LPP: variants seen among roughly 807,000 people sequenced by gnomAD.
The protein encoded by LPP is lipoma-preferred partner.
In LPP, 38 loss-of-function variants were observed where a neutral mutation model predicts 60.4. The observed-to-expected ratio is 0.63, with a 90% CI of 0.49 to 0.83. The LOEUF is 0.83. LPP is among the 40% of genes least tolerant of loss of function. The pLI is 0.00. For missense variants in LPP, 902 were observed against 783.6 expected (o/e 1.15, Z -1.80); for synonymous variants, 328 against 290.8 (o/e 1.13, Z -1.30).
chr3:188,854,446 G>C (rs1374070321), intron 9 of LPP, among the ~76,000 whole-genome samples: 1 of 150,042 alleles, frequency 6.7e-6, no homozygotes. Context: ...TGCCCTCTTC[G>C]GAAGGGAACC....
intron 6 of LPP, among the ~76,000 whole-genome samples, chr3:188,586,933 A>G (rs1198754672): frequency 6.6e-6 from 1 of 151,704 alleles, no homozygotes; most frequent in Non-Finnish European, 1.5e-5. Flanking sequence ...TTTCCACCAT[A>G]TTGGCCAGGC....
intron 9 of LPP, among the ~76,000 whole-genome samples, chr3:188,768,818 A>G (rs1434088147): frequency 1.3e-5 from 2 of 152,142 alleles, no homozygotes; most frequent in Non-Finnish European, 2.9e-5. Flanking sequence ...GTTTTTTATC[A>G]TTTTATGCAT....
rs1770979162 is a variant in LPP at position 188,889,002 on chromosome 3, G to A, written c.*14523G>A. The A allele has an allele frequency of 4.6e-6, 1 of 219,058 alleles. No homozygotes were observed. The highest frequency in any genetic ancestry group is 2.2e-5 in the African/African-American group (1 of 44,512). The allele number at this position is 219,058 out of a possible 1,614,324, so 13.6% of individuals were successfully genotyped here. ...ATAGAGCCGTAGTCTGTATTAGGAT[G>A]TGTGTCATATGTGTGTTCTATAAAC... On this transcript the variant is annotated 3_prime_UTR_variant, in exon 12 of 12. Coordinates refer to ENST00000617246, the MANE Select transcript of LPP (RefSeq NM_001375462.1).
intron 3 of LPP, among the ~76,000 whole-genome samples, chr3:188,353,133 C>T (rs1766433196): frequency 6.6e-6 from 1 of 152,114 alleles, no homozygotes; most frequent in African/African-American, 2.4e-5. Flanking sequence ...AAGTATTTTT[C>T]CAATAGTTTA....
chr3:188,196,791 TC>T (rs1392951123), intron 1 of LPP, among the ~76,000 whole-genome samples: 6 of 152,214 alleles, frequency 3.9e-5, no homozygotes, highest in African/African-American at 1.4e-4. Flanking sequence ...CTCACTAATC[TC>T]CAAGATGATC....
At chr3:188,160,519 T>C (rs547023370) in intron 1 of LPP, among the ~76,000 whole-genome samples, 5 of 152,340 alleles carry the variant, frequency 3.3e-5, no homozygotes, top group Non-Finnish European at 1.5e-5. Flanking sequence ...CCATGCCTTT[T>C]CTTATGCTGT....
intron 6 of LPP, among the ~76,000 whole-genome samples, chr3:188,547,304 C>A (rs936097719): frequency 2.0e-5 from 3 of 152,172 alleles, no homozygotes; most frequent in Admixed American, 2.0e-4. Flanking sequence ...AAACAAACAA[C>A]ACACATGCAC....
intron 6 of LPP, among the ~76,000 whole-genome samples, chr3:188,590,094 G>A (rs184641338): frequency 6.6e-6 from 1 of 152,310 alleles, no homozygotes; most frequent in East Asian, 1.9e-4. Flanking sequence ...GGTAATTGCA[G>A]TGTAGCAGAC....
intron 8 of LPP, among the ~76,000 whole-genome samples, chr3:188,739,199 T>A (rs1192214552): frequency 6.6e-6 from 1 of 151,834 alleles, no homozygotes; most frequent in East Asian, 1.9e-4. Context: ...AACAACCCTA[T>A]GAAAAAATGG....
intron 1 of LPP, among the ~76,000 whole-genome samples, chr3:188,210,437 T>G (rs1220305644): frequency 6.6e-6 from 1 of 152,214 alleles, no homozygotes; most frequent in Non-Finnish European, 1.5e-5. Flanking sequence ...AAGAACTTTC[T>G]GATGGAAAGA....
chr3:188,510,309 G>C (rs944289793), intron 5 of LPP, among the ~76,000 whole-genome samples: 5 of 152,136 alleles, frequency 3.3e-5, no homozygotes, highest in Non-Finnish European at 7.4e-5. Context: ...GTCTAAGGCA[G>C]AAATGTGTAC....
intron 3 of LPP, among the ~76,000 whole-genome samples, chr3:188,391,449 A>G (rs992596174): frequency 1.3e-5 from 2 of 152,084 alleles, no homozygotes; most frequent in Non-Finnish European, 2.9e-5. Context: ...ATTATTGCCC[A>G]TAAGGATCTT....
At chr3:188,779,737 A>G (rs1450382929) in intron 9 of LPP, among the ~76,000 whole-genome samples, 3 of 152,138 alleles carry the variant, frequency 2.0e-5, no homozygotes, top group Non-Finnish European at 4.4e-5. Context: ...CTAAAGGTTA[A>G]AAAGTTACTT....
rs1766301527 is a variant in LPP, at chr3:188,352,768, G to A, written c.-10+11049G>A. Among the ~76,000 whole-genome samples the A allele has an allele frequency of 6.6e-6, 1 of 152,196 alleles. No individual in the cohort carries two copies. Among genetic ancestry groups the A allele is most frequent in the Non-Finnish European group, 1.5e-5 (1 of 68,042 alleles). ...AGTCCTGAAAGCTGCAGAGGGATGG[G>A]CTGGTGACACTGCCGTGCCTAGGAG... On this transcript the variant is annotated intron_variant, in intron 3 of 11. Coordinates refer to ENST00000617246, the MANE Select transcript of LPP (RefSeq NM_001375462.1). This position sits in a 1 kb window ranked among gnomAD's most constrained non-coding sequence, Gnocchi z 4.4.
chr3:188,748,072 A>G (rs924592172), intron 8 of LPP, among the ~76,000 whole-genome samples: 3 of 152,180 alleles, frequency 2.0e-5, no homozygotes, highest in Non-Finnish European at 2.9e-5. Flanking sequence ...TTAGAATGTC[A>G]TTGCTGATGG....
intron 6 of LPP, among the ~76,000 whole-genome samples, chr3:188,538,363 C>G (rs1404063575): frequency 6.6e-6 from 1 of 151,946 alleles, no homozygotes; most frequent in East Asian, 1.9e-4. Context: ...AAAAGACAGC[C>G]CAATTAAGTA....
In LPP at chr3:188,728,594, T is replaced by C. The variant is rs187708302; in HGVS notation, c.1240+20201T>C. Among the ~76,000 whole-genome samples, 794 of 152,330 alleles carry C rather than the reference T, an allele frequency of 5.2e-3. 7 individuals carry two copies. Among genetic ancestry groups the C allele is most frequent in the South Asian group, 0.021 (101 of 4,832 alleles). The stretch of plus-strand genomic sequence containing the variant: ...TAAGAAACAGCTCATCAATATGGAA[T>C]ACACATTTTCATAGTAGATTTGTGG... On this transcript the variant is annotated intron_variant, in intron 8 of 11. Transcript: ENST00000617246.
chr3:188,593,841 T>C (rs761042131), intron 6 of LPP, among the ~76,000 whole-genome samples: 7 of 152,224 alleles, frequency 4.6e-5, no homozygotes, highest in Non-Finnish European at 1.0e-4. Context: ...TATCCACTCA[T>C]TGATTGATGG....
At position 188,421,782 on chromosome 3, in the gene LPP, C is replaced by T. The variant is rs756894828; in HGVS notation, c.193+15469C>T. ...TCCTTAACAAAAGATTCAACCACAT[C>T]GATACAACCAATAATTGCCAACTTG... On this transcript the variant is annotated intron_variant, in intron 4 of 11. Transcript: ENST00000617246. Among the ~76,000 whole-genome samples, 11 of 152,210 alleles carry T rather than the reference C, an allele frequency of 7.2e-5. No individual in the cohort carries two copies. In the South Asian group the frequency reaches 8.3e-4, roughly 11 times the overall value.
Sources: allele counts gnomAD v4.1 joint callset (sites outside exome capture counted in the v4.1 genomes callset), GRCh38; gene constraint gnomAD v4.1.1; non-coding constraint Gnocchi (gnomAD v3.1); transcripts MANE v1.5; gene names NCBI Gene and HGNC (gene_info 2026-07-23, HGNC 2026-07-21).